Variants in ANKMY1 observed in about 807,000 individuals in gnomAD.
The protein encoded by ANKMY1 is ankyrin repeat and MYND domain containing 1, also known as ankyrin repeat and MYND domain-containing protein 1.
Under a neutral mutation model 102.0 loss-of-function variants are expected in ANKMY1, and 98 were observed. The ratio of observed to expected loss-of-function variants is 0.96; its 90% CI spans 0.82 to 1.14. The LOEUF (loss-of-function observed/expected upper bound fraction) is 1.14. Ranked by LOEUF, ANKMY1 falls within the 50% of genes most tolerant of loss-of-function variation. ANKMY1 has a pLI of 0.00. For missense variants in ANKMY1, 1,330 were observed against 1,347.6 expected, an observed-to-expected ratio of 0.99 and a Z score of 0.20; for synonymous variants, 582 against 559.9, an observed-to-expected ratio of 1.04 and a Z score of -0.56.
intron 3 of ANKMY1, 36 bp from the exon 4 acceptor site, chr2:240,553,093 C>T (rs1044150610): frequency 1.2e-6 from 2 of 1,606,428 alleles, no homozygotes; most frequent in African/African-American, 2.7e-5. Flanking sequence ...AATTGCTGCT[C>T]TTCCAGAACC....
At chr2:240,524,627 A>G (rs114520696) in intron 7 of ANKMY1, among the ~76,000 whole-genome samples, 153 of 152,376 alleles carry the variant, frequency 1.0e-3, no homozygotes, top group African/African-American at 3.6e-3. Flanking sequence ...ATGGCTGCTA[A>G]GCTCACAAAA....
chr2:240,524,975 T>G (rs531118632), intron 7 of ANKMY1, among the ~76,000 whole-genome samples: 1 of 152,234 alleles, frequency 6.6e-6, no homozygotes, highest in African/African-American at 2.4e-5. Flanking sequence ...TGGATAAACA[T>G]AGAAATCGAC....
chr2:240,538,730 C>T (rs577629759), intron 4 of ANKMY1, among the ~76,000 whole-genome samples: 1 of 152,298 alleles, frequency 6.6e-6, no homozygotes, highest in African/African-American at 2.4e-5. Context: ...GCCAGCTGAG[C>T]TCCTGAATCT....
intron 4 of ANKMY1, among the ~76,000 whole-genome samples, chr2:240,548,137 C>T (rs1364101583): frequency 6.6e-6 from 1 of 152,116 alleles, no homozygotes; most frequent in Non-Finnish European, 1.5e-5. Flanking sequence ...AAACCGAATC[C>T]AGCAGCACAT....
the ANKMY1 span, among the ~76,000 whole-genome samples, chr2:240,468,917 C>T: frequency 1.3e-5 from 2 of 152,206 alleles, no homozygotes; most frequent in East Asian, 1.9e-4. Flanking sequence ...CATCTGCAGC[C>T]GCCAGGTCCC....
At chr2:240,559,925 A>G (rs1243727180), upstream of ANKMY1, 1 of 152,380 alleles carries the variant, frequency 6.6e-6, no homozygotes, top group Non-Finnish European at 1.5e-5. Flanking sequence ...ATTGCCTGAA[A>G]ATTACCAGAT....
chr2:240,539,584 T>C (rs949372336), intron 4 of ANKMY1, among the ~76,000 whole-genome samples: 2 of 152,214 alleles, frequency 1.3e-5, no homozygotes, highest in Non-Finnish European at 2.9e-5. Flanking sequence ...GGATTATTCA[T>C]AATTGCCAAA....
chr2:240,540,523 A>C (rs2088434423), intron 4 of ANKMY1, among the ~76,000 whole-genome samples: 1 of 151,936 alleles, frequency 6.6e-6, no homozygotes, highest in Non-Finnish European at 1.5e-5. Context: ...ATCCAATGAG[A>C]CTCCAGGCCC....
In ANKMY1 at chr2:240,555,040, G is replaced by C; in HGVS notation, c.162C>G (p.Ala54=). The C allele has an allele frequency of 6.2e-7, 1 of 1,613,960 alleles. No individual in the cohort carries two copies. The highest frequency in any genetic ancestry group is 8.5e-7 in the Non-Finnish European group (1 of 1,179,950). Residue 54 remains alanine, a synonymous_variant, in exon 3 of 18, where the codon GCC becomes GCG. Coordinates refer to ENST00000401804, the MANE Select transcript of ANKMY1 (RefSeq NM_001282771.3). Reference sequence around the variant, plus strand: ...CAGCTTCCTCCTCTTCCTTCTCAGGGGCTGCTGAAACATCCCTAAAAGGAC... The same window carrying C: ...CAGCTTCCTCCTCTTCCTTCTCAGGCGCTGCTGAAACATCCCTAAAAGGAC... ...AVFATRDVSA[A]PEKEEEEAEG... is the part of the protein sequence containing the mutation.
intron 4 of ANKMY1, among the ~76,000 whole-genome samples, chr2:240,530,118 C>T (rs2084963566): frequency 6.6e-6 from 1 of 152,184 alleles, no homozygotes; most frequent in Non-Finnish European, 1.5e-5. Context: ...TGCCTGTAGG[C>T]AGTGGAGGCC....
the ANKMY1 span, among the ~76,000 whole-genome samples, chr2:240,474,093 A>G: frequency 9.3e-6 from 1 of 107,670 alleles, no homozygotes; most frequent in Non-Finnish European, 1.9e-5. Context: ...TGCCAATAAC[A>G]TGATCTTTTT....
At position 240,520,553 on chromosome 2, in the gene ANKMY1, C is replaced by A. The variant is rs759043887; in HGVS notation, c.1833-20G>T. 1 of 1,602,596 alleles carries A rather than the reference C, an allele frequency of 6.2e-7. No individual in the cohort carries two copies. The highest frequency in any genetic ancestry group is 1.1e-5 in the South Asian group (1 of 89,366). ...CTCCGCCTGAAAAAGACGGTGCGCCCGTGGGCCCCTGGAGGGCAGGCACCT... is the reference window on the plus strand; with the variant it reads ...CTCCGCCTGAAAAAGACGGTGCGCCAGTGGGCCCCTGGAGGGCAGGCACCT... On this transcript the variant is annotated intron_variant, in intron 8 of 17. Coordinates refer to ENST00000401804, the MANE Select transcript of ANKMY1 (RefSeq NM_001282771.3). This position sits in a 1 kb window ranked among gnomAD's most constrained non-coding sequence, Gnocchi z 4.8.
At chr2:240,507,719 T>A in intron 12 of ANKMY1, 28 bp from the exon 13 acceptor site, 1 of 1,568,814 alleles carries the variant, frequency 6.4e-7, no homozygotes, top group South Asian at 1.2e-5. Flanking sequence ...GTCTCATCAG[T>A]GGCCACCATG....
In ANKMY1 at chr2:240,511,910, C is replaced by T. The variant is rs375341706; in HGVS notation, c.2237G>A (p.Gly746Glu). Reference sequence around the variant, plus strand: ...GGCCATGTGCAGAGCCGTCCTGCCCCCCTCCTCCGGGAGGGCTGTGTCCGT... The same window carrying T: ...GGCCATGTGCAGAGCCGTCCTGCCCTCCTCCTCCGGGAGGGCTGTGTCCGT... ...YSTDTALPEE[G>E]GRTALHMACE... The change falls in exon 11 of 18, where the codon GGG becomes GAG. Residue 746 changes from glycine to glutamate, a missense_variant. Gly to Glu is a moderately conservative substitution (Grantham distance 98, BLOSUM62 -2). Coordinates refer to ENST00000401804, the MANE Select transcript of ANKMY1 (RefSeq NM_001282771.3). 1.3e-6 allele frequency: 2 copies of T among 1,584,948 alleles called. No individual in the cohort carries two copies. Among genetic ancestry groups the T allele is most frequent in the Admixed American group, 3.5e-5 (2 of 56,370 alleles).
chr2:240,548,086 T>C (rs1201262878), intron 4 of ANKMY1, among the ~76,000 whole-genome samples: 2 of 152,192 alleles, frequency 1.3e-5, no homozygotes, highest in Non-Finnish European at 2.9e-5. Context: ...ACCAATATCC[T>C]TGATGAACAT....
the ANKMY1 span, among the ~76,000 whole-genome samples, chr2:240,473,205 T>C: frequency 6.8e-6 from 1 of 146,974 alleles, no homozygotes; most frequent in Non-Finnish European, 1.5e-5. Flanking sequence ...TAAAGATCTA[T>C]AAATTGCCTG....
At chr2:240,546,677 A>G (rs934202699) in intron 4 of ANKMY1, among the ~76,000 whole-genome samples, 34 of 152,324 alleles carry the variant, frequency 2.2e-4, no homozygotes, top group Admixed American at 2.0e-3. Flanking sequence ...TCTACCAAGC[A>G]AATGGAAAAC....
rs562265249 is a variant in ANKMY1 at position 240,541,795 on chromosome 2, C to G, written c.480+11119G>C. On this transcript the variant is annotated intron_variant, in intron 4 of 17. Coordinates refer to ENST00000401804, the MANE Select transcript of ANKMY1 (RefSeq NM_001282771.3). ...GGGATTACAGGCGTGAGCCACCACG[C>G]TGGGCGTATGTTGCTGTTTTAAGCA... Among the ~76,000 whole-genome samples the G allele has an allele frequency of 1.2e-4, 18 of 152,252 alleles. No homozygotes were observed. The East Asian group carries it at 3.5e-3, about 30-fold the overall frequency.
At chr2:240,512,282 G>A (rs890805435) in intron 10 of ANKMY1, among the ~76,000 whole-genome samples, 4 of 152,182 alleles carry the variant, frequency 2.6e-5, no homozygotes, top group African/African-American at 9.7e-5. Context: ...ATGTTCGTGC[G>A]CTCAATGGCT....
Sources: gnomAD v4.1 joint callset for allele counts (sites outside exome capture counted in the v4.1 genomes callset) on GRCh38, gnomAD v4.1.1 for gene constraint, Gnocchi (gnomAD v3.1) non-coding constraint, MANE v1.5 for transcripts, NCBI Gene and HGNC (gene_info 2026-07-23, HGNC 2026-07-21) for gene names.